The following DIP2B variants were observed in gnomAD, a reference collection of about 807,000 sequenced individuals.
The protein encoded by DIP2B is disco-interacting protein 2 homolog B.
DIP2B carries 76 observed loss-of-function variants against 198.0 expected under a neutral mutation model. The ratio of observed to expected loss-of-function variants is 0.38; its 90% CI spans 0.32 to 0.46. The LOEUF is 0.46. Ranked by LOEUF, DIP2B falls within the 20% of genes least tolerant of loss-of-function variation. The pLI, the probability that DIP2B is intolerant of heterozygous loss-of-function variation, is 0.99. For synonymous variants in DIP2B, 701 were observed against 739.1 expected (o/e 0.95, Z 0.84); for missense variants, 1,559 against 1,978.4 (o/e 0.79, Z 4.02).
At chr12:50,590,313 A>G (rs1351829000) in intron 1 of DIP2B, among the ~76,000 whole-genome samples, 3 of 151,592 alleles carry the variant, frequency 2.0e-5, no homozygotes, top group African/African-American at 7.3e-5. Flanking sequence ...TGAAGATGCC[A>G]TTTGTGGCCC....
Position 50,745,452 on chromosome 12 carries a change from T to TAA in DIP2B, c.*614_*615insAA, listed in dbSNP as rs1209081009. ...GATTTGAAGAATTGGCTTGTATAGTTATAACAACCACAGTAGAAACATTTC... is the reference window on the plus strand; with the variant it reads ...GATTTGAAGAATTGGCTTGTATAGTTAAATAACAACCACAGTAGAAACATTTC... On this transcript the variant is annotated 3_prime_UTR_variant, in exon 38 of 38. Transcript: ENST00000301180. The TAA allele has an allele frequency of 6.5e-6, 1 of 152,818 alleles. No homozygotes were observed. Among genetic ancestry groups the TAA allele is most frequent in the Non-Finnish European group, 1.5e-5 (1 of 68,298 alleles). The allele number at this position is 152,818 out of a possible 1,614,324, so 9.5% of individuals were successfully genotyped here. A position where few individuals can be genotyped will look rare whatever the true frequency, so the allele number is the denominator to read the frequency against.
At chr12:50,551,567 A>G (rs947171408) in intron 1 of DIP2B, among the ~76,000 whole-genome samples, 2 of 152,090 alleles carry the variant, frequency 1.3e-5, no homozygotes, top group African/African-American at 4.8e-5. Context: ...CCTCACCCTC[A>G]CAGGTAGCTG....
chr12:50,713,956 G>C (rs543298721), intron 22 of DIP2B, among the ~76,000 whole-genome samples: 17 of 152,260 alleles, frequency 1.1e-4, no homozygotes, highest in Middle Eastern at 3.4e-3. Context: ...TTTTAAATTA[G>C]CCAGACGCAG....
intron 37 of DIP2B, chr12:50,743,473 C>T (rs1235052289): frequency 6.6e-6 from 1 of 152,210 alleles, no homozygotes; most frequent in Non-Finnish European, 1.5e-5. Flanking sequence ...TGGCTTATGG[C>T]TCTTTTATAC....
At chr12:50,718,197 C>A (rs1939769768) in intron 23 of DIP2B, among the ~76,000 whole-genome samples, 1 of 152,228 alleles carries the variant, frequency 6.6e-6, no homozygotes, top group East Asian at 1.9e-4. Flanking sequence ...CATTCCCGGC[C>A]ATTATTCACT....
chr12:50,608,612 C>G lies in DIP2B; in HGVS notation c.101-17364C>G, dbSNP rs186923553. Among the ~76,000 whole-genome samples the G allele has an allele frequency of 3.7e-3, 503 of 134,548 alleles. 5 individuals carry two copies. Among genetic ancestry groups the G allele is most frequent in the African/African-American group, 0.013 (467 of 35,498 alleles). 88.3% of individuals were successfully genotyped at this position (134,548 alleles called of 152,430 possible). A position where few individuals can be genotyped will look rare whatever the true frequency, so the allele number is the denominator to read the frequency against. ...CTACACTTCACCCTGGGTGACATAGCAAGACTCAGTCTCAAAAAAAAAAAA... is the reference window on the plus strand; with the variant it reads ...CTACACTTCACCCTGGGTGACATAGGAAGACTCAGTCTCAAAAAAAAAAAA... On this transcript the variant is annotated intron_variant, in intron 1 of 37. Coordinates refer to ENST00000301180, the MANE Select transcript of DIP2B (RefSeq NM_173602.3).
At chr12:50,527,973 G>A (rs1958181425) in intron 1 of DIP2B, among the ~76,000 whole-genome samples, 1 of 151,062 alleles carries the variant, frequency 6.6e-6, no homozygotes, top group Non-Finnish European at 1.5e-5. Flanking sequence ...TGTCACCCAG[G>A]CTGGAGTACA....
chr12:50,648,610 G>A (rs904440162), intron 3 of DIP2B, among the ~76,000 whole-genome samples: 3 of 150,154 alleles, frequency 2.0e-5, no homozygotes, highest in Admixed American at 6.6e-5. Flanking sequence ...TGATCCGCCC[G>A]TCTCGGCCTC....
chr12:50,626,472 G>A (rs773025209), intron 2 of DIP2B, among the ~76,000 whole-genome samples: 1 of 152,194 alleles, frequency 6.6e-6, no homozygotes, highest in Non-Finnish European at 1.5e-5. Context: ...TGAACTTGTA[G>A]ATTAATTCAA....
intron 5 of DIP2B, among the ~76,000 whole-genome samples, chr12:50,672,254 T>TA (rs1696850610): frequency 6.6e-6 from 1 of 152,208 alleles, no homozygotes; most frequent in Middle Eastern, 3.2e-3. Context: ...AATTCAAGAC[T>TA]ATAATTTTTA....
rs1940332769 is a variant in DIP2B at position 50,745,726 on chromosome 12, C to T, written c.*887C>T. On this transcript the variant is annotated 3_prime_UTR_variant, in exon 38 of 38. Transcript: ENST00000301180. Reference sequence around the variant, plus strand: ...TAAAAATCAAAATGTTAACACAAAGCTAAGATTCATCAGAGCCCACCCTAT... The same window carrying T: ...TAAAAATCAAAATGTTAACACAAAGTTAAGATTCATCAGAGCCCACCCTAT... The T allele has an allele frequency of 6.6e-6, 1 of 152,592 alleles. No homozygotes were observed. The highest frequency in any genetic ancestry group is 6.5e-5 in the Admixed American group (1 of 15,270). The allele number at this position is 152,592 out of a possible 1,614,324, so 9.5% of individuals were successfully genotyped here. A position where few individuals can be genotyped will look rare whatever the true frequency, so the allele number is the denominator to read the frequency against.
At chr12:50,519,900 T>C (rs1291230528) in intron 1 of DIP2B, among the ~76,000 whole-genome samples, 1 of 151,314 alleles carries the variant, frequency 6.6e-6, no homozygotes, top group Non-Finnish European at 1.5e-5. Flanking sequence ...ATCTGCAAGA[T>C]TTTTTTTTCT....
chr12:50,510,374 G>C (rs1274013558), intron 1 of DIP2B, among the ~76,000 whole-genome samples: 1 of 152,140 alleles, frequency 6.6e-6, no homozygotes, highest in Non-Finnish European at 1.5e-5. Flanking sequence ...GCATTGAGCT[G>C]GATTTTTGAA....
intron 4 of DIP2B, among the ~76,000 whole-genome samples, chr12:50,664,832 T>G (rs1938720522): frequency 9.9e-4 from 1 of 1,006 alleles, no homozygotes; most frequent in African/African-American, 1.2e-3. Context: ...CTTTTTTGGT[T>G]TTTGTTTTTT....
At chr12:50,591,223 A>G (rs1450610557) in intron 1 of DIP2B, among the ~76,000 whole-genome samples, 2 of 152,254 alleles carry the variant, frequency 1.3e-5, no homozygotes. Context: ...AAGAGCAGGA[A>G]TTCAATAATC....
At chr12:50,682,294 T>C (rs892145118) in intron 9 of DIP2B, among the ~76,000 whole-genome samples, 6 of 152,100 alleles carry the variant, frequency 3.9e-5, no homozygotes, top group African/African-American at 1.4e-4. Flanking sequence ...ATTTGCATTG[T>C]TGGGTAAGGG....
Position 50,744,905 on chromosome 12 carries a change from G to A in DIP2B, c.*66G>A, listed in dbSNP as rs1421229158. On this transcript the variant is annotated 3_prime_UTR_variant, in exon 38 of 38. Coordinates refer to ENST00000301180, the MANE Select transcript of DIP2B (RefSeq NM_173602.3). The stretch of plus-strand genomic sequence containing the variant: ...ACAAAGACAGAAGACCTCTGGCTAA[G>A]AGCAGGCTTCAAACGATGTGAAATA... 1.8e-5 allele frequency: 28 copies of A among 1,568,682 alleles called. No individual in the cohort carries two copies. The highest frequency in any genetic ancestry group is 2.3e-5 in the Non-Finnish European group (26 of 1,151,004).
At chr12:50,696,421 A>T (rs1184990816) in intron 16 of DIP2B, among the ~76,000 whole-genome samples, 1 of 152,164 alleles carries the variant, frequency 6.6e-6, no homozygotes, top group African/African-American at 2.4e-5. Flanking sequence ...GTTATACCAC[A>T]TTGTATTTAC....
intron 14 of DIP2B, among the ~76,000 whole-genome samples, chr12:50,694,925 A>C (rs1939284167): frequency 1.3e-5 from 2 of 152,154 alleles, no homozygotes; most frequent in Non-Finnish European, 2.9e-5. Flanking sequence ...TAAATGAAAA[A>C]AACAAGTTAC....
Sources: allele counts gnomAD v4.1 joint callset (sites outside exome capture counted in the v4.1 genomes callset), GRCh38; gene constraint gnomAD v4.1.1; transcripts MANE v1.5; gene names NCBI Gene and HGNC (gene_info 2026-07-23, HGNC 2026-07-21).